The following ACTR3C variants were observed in gnomAD, a reference collection of about 807,000 sequenced individuals.
ACTR3C encodes the protein actin-related protein 3C.
Under a neutral mutation model 26.3 loss-of-function variants are expected in ACTR3C, and 18 were observed. The observed-to-expected ratio is 0.68, with a 90% CI of 0.47 to 1.01. The LOEUF (loss-of-function observed/expected upper bound fraction) is 1.01. Among genes scored for constraint, ACTR3C ranks in the 50% least tolerant of loss-of-function variants. The pLI is 0.00. For synonymous variants in ACTR3C, 55 were observed against 94.5 expected, an observed-to-expected ratio of 0.58 and a Z score of 2.42; for missense variants, 184 against 250.7, an observed-to-expected ratio of 0.73 and a Z score of 1.80.
At chr7:149,979,345 C>T in the ACTR3C span, among the ~76,000 whole-genome samples, 2 of 152,170 alleles carry the variant, frequency 1.3e-5, no homozygotes, top group South Asian at 2.1e-4. Context: ...ACTAAACATT[C>T]TTTAAAGAAA....
At chr7:149,893,322 T>G in the ACTR3C span, among the ~76,000 whole-genome samples, 1 of 152,226 alleles carries the variant, frequency 6.6e-6, no homozygotes, top group African/African-American at 2.4e-5. Flanking sequence ...TTACAATTGT[T>G]TAAGATCAGT....
chr7:149,989,919 T>C, the ACTR3C span, among the ~76,000 whole-genome samples: 1 of 152,138 alleles, frequency 6.6e-6, no homozygotes, highest in Admixed American at 6.6e-5. Context: ...GGTTCCCTTC[T>C]CTCCACATCC....
Position 150,248,961 on chromosome 7 carries a change from C to A in ACTR3C, c.*25G>T. The A allele has an allele frequency of 1.7e-6, 1 of 601,346 alleles. No homozygotes were observed. The allele number at this position is 601,346 out of a possible 1,614,324, so 37.3% of individuals were successfully genotyped here. On this transcript the variant is annotated 3_prime_UTR_variant, in exon 7 of 8. Coordinates refer to ENST00000683684, the MANE Select transcript of ACTR3C (RefSeq NM_001164458.2). ...TCATGAGAATACCTCAAATAAAAGGCTACGCATGGGCTCAATATATCATCT... is the reference window on the plus strand; with the variant it reads ...TCATGAGAATACCTCAAATAAAAGGATACGCATGGGCTCAATATATCATCT...
chr7:150,076,551 G>T, the ACTR3C span: 4 of 152,018 alleles, frequency 2.6e-5, no homozygotes, highest in Non-Finnish European at 5.9e-5. Context: ...CTTATAAAGA[G>T]ATATTTTACA....
chr7:150,100,681 T>C, the ACTR3C span, among the ~76,000 whole-genome samples: 118 of 147,772 alleles, frequency 8.0e-4, 5 homozygotes, highest in African/African-American at 2.9e-3. Flanking sequence ...ATTTTCCACC[T>C]TTGAGGAGCT....
chr7:150,045,564 G>GAA, the ACTR3C span, among the ~76,000 whole-genome samples: 381 of 115,232 alleles, frequency 3.3e-3, 1 homozygote, highest in African/African-American at 0.011. Context: ...GTATTTTCCA[G>GAA]AAAAAAAAAA....
chr7:150,085,234 T>C, the ACTR3C span, among the ~76,000 whole-genome samples: 10 of 152,266 alleles, frequency 6.6e-5, no homozygotes, highest in Non-Finnish European at 1.0e-4. Context: ...AGGCTTGACA[T>C]GTAAAACCAG....
the ACTR3C span, among the ~76,000 whole-genome samples, chr7:149,914,725 A>G: frequency 6.6e-6 from 1 of 151,996 alleles, no homozygotes; most frequent in Non-Finnish European, 1.5e-5. Context: ...AAAATGAAAC[A>G]CTAGAAGAAT....
At chr7:150,156,941 G>A in the ACTR3C span, among the ~76,000 whole-genome samples, 21 of 151,390 alleles carry the variant, frequency 1.4e-4, no homozygotes, top group African/African-American at 4.9e-4. Flanking sequence ...ATCATACATC[G>A]TAAGTCTTAC....
the ACTR3C span, among the ~76,000 whole-genome samples, chr7:150,010,276 A>T: frequency 6.6e-6 from 1 of 152,350 alleles, no homozygotes; most frequent in South Asian, 2.1e-4. Flanking sequence ...AAAAATATGT[A>T]ACATCACCCT....
the ACTR3C span, among the ~76,000 whole-genome samples, chr7:150,179,582 C>T: frequency 1.3e-5 from 2 of 149,032 alleles, no homozygotes; most frequent in African/African-American, 2.6e-5. Context: ...ACTTCCTGGA[C>T]TCAATCAATT....
the ACTR3C span, among the ~76,000 whole-genome samples, chr7:150,112,002 C>T: frequency 6.6e-6 from 1 of 151,450 alleles, no homozygotes; most frequent in Non-Finnish European, 1.5e-5. Flanking sequence ...ATCTGGAGTT[C>T]ACAGAAACTG....
At chr7:150,198,808 G>A in the ACTR3C span, among the ~76,000 whole-genome samples, 1 of 147,348 alleles carries the variant, frequency 6.8e-6, no homozygotes, top group African/African-American at 2.6e-5. Context: ...GGAGGTGGGG[G>A]GGTCAGCCCC....
chr7:150,051,139 T>G, the ACTR3C span, among the ~76,000 whole-genome samples: 1 of 147,978 alleles, frequency 6.8e-6, no homozygotes, highest in African/African-American at 2.5e-5. Flanking sequence ...ATACCTCGTG[T>G]GTATGTGCAT....
chr7:150,232,976 T>C, the ACTR3C span, among the ~76,000 whole-genome samples: 1,192 of 152,202 alleles, frequency 7.8e-3, 15 homozygotes, highest in African/African-American at 0.027. Flanking sequence ...TATTATTACT[T>C]TAAATAGTTA....
At chr7:150,054,129 T>C in the ACTR3C span, among the ~76,000 whole-genome samples, 1 of 152,218 alleles carries the variant, frequency 6.6e-6, no homozygotes, top group Non-Finnish European at 1.5e-5. Context: ...AGTAGCAGCG[T>C]CTTCTTTCAA....
chr7:149,931,223 G>A, the ACTR3C span, among the ~76,000 whole-genome samples: 1 of 152,356 alleles, frequency 6.6e-6, no homozygotes, highest in Non-Finnish European at 1.5e-5. Flanking sequence ...TTTGGCTTCT[G>A]TAGGTCAGGG....
chr7:150,300,478 G>A (rs1795368816), intron 1 of ACTR3C, among the ~76,000 whole-genome samples: 1 of 152,064 alleles, frequency 6.6e-6, no homozygotes, highest in Admixed American at 6.5e-5. Context: ...GCTTCCTCTA[G>A]GCAGGAAAGA....
chr7:149,895,287 T>G, the ACTR3C span, among the ~76,000 whole-genome samples: 1 of 151,934 alleles, frequency 6.6e-6, no homozygotes, highest in Non-Finnish European at 1.5e-5. Context: ...AATACGTAAC[T>G]ACAGTTAGAT....
Sources: gnomAD v4.1 joint callset for allele counts (sites outside exome capture counted in the v4.1 genomes callset) on GRCh38, gnomAD v4.1.1 for gene constraint, MANE v1.5 for transcripts, NCBI Gene and HGNC (gene_info 2026-07-23, HGNC 2026-07-21) for gene names.